Variants in MGAT4C observed in about 807,000 individuals in gnomAD.
MGAT4C encodes the protein MGAT4 family member C, also known as alpha-1,3-mannosyl-glycoprotein 4-beta-N-acetylglucosaminyltransferase C.
A neutral mutation model predicts 40.1 loss-of-function variants in MGAT4C; 19 were observed. The observed-to-expected ratio is 0.47, with a 90% CI of 0.33 to 0.70. The LOEUF (loss-of-function observed/expected upper bound fraction) is 0.70. MGAT4C is among the 30% of genes least tolerant of loss of function. The pLI is 0.02. For missense variants in MGAT4C, 491 were observed against 563.2 expected, an observed-to-expected ratio of 0.87 and a Z score of 1.30; for synonymous variants, 181 against 187.1, an observed-to-expected ratio of 0.97 and a Z score of 0.27.
chr12:86,306,811 A>G (rs1161065076), intron 4 of MGAT4C, among the ~76,000 whole-genome samples: 2 of 147,818 alleles, frequency 1.4e-5, no homozygotes, highest in Non-Finnish European at 3.0e-5. Flanking sequence ...GTAGAAAATA[A>G]TAAGATGATT....
intron 2 of MGAT4C, among the ~76,000 whole-genome samples, chr12:86,033,544 A>G (rs1002406965): frequency 6.7e-6 from 1 of 148,700 alleles, no homozygotes; most frequent in Non-Finnish European, 1.5e-5. Flanking sequence ...TGCATTCGTG[A>G]TTTGGCTCTC....
intron 1 of MGAT4C, among the ~76,000 whole-genome samples, chr12:86,238,663 A>G (rs1236016390): frequency 2.0e-5 from 3 of 152,174 alleles, no homozygotes; most frequent in Non-Finnish European, 4.4e-5. Flanking sequence ...ATAATAAAAT[A>G]TAGAATTATT....
chr12:86,522,202 C>T (rs1043293737), intron 2 of MGAT4C, among the ~76,000 whole-genome samples: 1 of 152,146 alleles, frequency 6.6e-6, no homozygotes, highest in Non-Finnish European at 1.5e-5. Context: ...GGAATGCTTT[C>T]AGCTCTTGTC....
intron 2 of MGAT4C, among the ~76,000 whole-genome samples, chr12:86,628,918 A>T (rs1046300407): frequency 6.6e-6 from 1 of 152,142 alleles, no homozygotes; most frequent in African/African-American, 2.4e-5. Flanking sequence ...ATGTAAATGG[A>T]CTAAATTCCC....
chr12:86,636,342 C>T (rs1047144143), intron 2 of MGAT4C, among the ~76,000 whole-genome samples: 5 of 151,858 alleles, frequency 3.3e-5, no homozygotes, highest in Non-Finnish European at 7.4e-5. Context: ...TGATTATATC[C>T]CCAGTAAGTT....
At chr12:86,823,827 C>A (rs950154526) in intron 1 of MGAT4C, among the ~76,000 whole-genome samples, 2 of 150,984 alleles carry the variant, frequency 1.3e-5, no homozygotes, top group African/African-American at 4.9e-5. Flanking sequence ...AGAAGTGAAA[C>A]ATAGATAAGG....
At position 86,747,189 on chromosome 12, in the gene MGAT4C, T is replaced by C. The variant is rs145844110; in HGVS notation, c.-261-19948A>G. On this transcript the variant is annotated intron_variant, in intron 1 of 7. Coordinates refer to the MGAT4C transcript ENST00000548651. ...AGTGAGGATTAAATGAGTTAATGTA[T>C]GTAAAATCTCTTTAAACACTGATTT... is the stretch of plus-strand genomic sequence containing the variant. 9.3e-4 allele frequency among the ~76,000 whole-genome samples: 141 copies of C among 151,824 alleles called. 2 individuals carry two copies. Among genetic ancestry groups the C allele is most frequent in the African/African-American group, 3.0e-3 (126 of 41,512 alleles).
At chr12:86,269,744 T>A (rs1039515220) in intron 4 of MGAT4C, among the ~76,000 whole-genome samples, 3 of 152,112 alleles carry the variant, frequency 2.0e-5, no homozygotes, top group Non-Finnish European at 2.9e-5. Context: ...GAAGATATTA[T>A]GAGATTTAGA....
At chr12:86,333,696 T>C (rs929310196) in intron 4 of MGAT4C, among the ~76,000 whole-genome samples, 1 of 152,198 alleles carries the variant, frequency 6.6e-6, no homozygotes, top group Non-Finnish European at 1.5e-5. Flanking sequence ...GGCATATTAG[T>C]CACAGAGATT....
At chr12:86,642,773 T>A (rs567597025) in intron 2 of MGAT4C, among the ~76,000 whole-genome samples, 1 of 151,658 alleles carries the variant, frequency 6.6e-6, no homozygotes, top group African/African-American at 2.4e-5. Context: ...TTTTTATGTT[T>A]TTCATAAAAC....
intron 4 of MGAT4C, among the ~76,000 whole-genome samples, chr12:86,289,646 T>C (rs1953453169): frequency 6.6e-6 from 1 of 152,226 alleles, no homozygotes; most frequent in Non-Finnish European, 1.5e-5. Context: ...TATTCCTAGG[T>C]ATTTTATTCC....
intron 3 of MGAT4C, among the ~76,000 whole-genome samples, chr12:86,434,182 C>T (rs560282553): frequency 6.6e-6 from 1 of 152,032 alleles, no homozygotes; most frequent in South Asian, 2.1e-4. Context: ...CTGAATCATA[C>T]AAGTTTATTT....
chr12:86,179,258 G>T (rs746432943), intron 1 of MGAT4C, among the ~76,000 whole-genome samples: 11 of 152,136 alleles, frequency 7.2e-5, no homozygotes, highest in Non-Finnish European at 1.5e-4. Flanking sequence ...GCCTCCCACT[G>T]TGATTCTGAG....
chr12:86,451,054 A>C (rs1156252990), intron 2 of MGAT4C, among the ~76,000 whole-genome samples: 1 of 152,110 alleles, frequency 6.6e-6, no homozygotes, highest in African/African-American at 2.4e-5. Flanking sequence ...TGTATGTCTC[A>C]CACAAATCTC....
chr12:86,427,661 T>C (rs1956955359), intron 3 of MGAT4C, among the ~76,000 whole-genome samples: 1 of 152,194 alleles, frequency 6.6e-6, no homozygotes, highest in Non-Finnish European at 1.5e-5. Flanking sequence ...AAATGAAGTA[T>C]ATAATTGCCA....
intron 1 of MGAT4C, among the ~76,000 whole-genome samples, chr12:86,146,555 ATCTC>A (rs1462312587): frequency 6.6e-6 from 1 of 152,006 alleles, no homozygotes; most frequent in African/African-American, 2.4e-5. Context: ...TTCTATTTAA[ATCTC>A]TCTAAGAACT....
intron 3 of MGAT4C, among the ~76,000 whole-genome samples, chr12:86,385,482 T>G (rs1956033051): frequency 6.6e-6 from 1 of 152,056 alleles, no homozygotes; most frequent in Non-Finnish European, 1.5e-5. Context: ...GAAAAGAAAA[T>G]ATTAGCCTGA....
At chr12:86,032,258 T>A (rs1890827233) in intron 2 of MGAT4C, among the ~76,000 whole-genome samples, 1 of 152,040 alleles carries the variant, frequency 6.6e-6, no homozygotes, top group Admixed American at 6.6e-5. Flanking sequence ...TGATTTATTT[T>A]CCTTTGAGTA....
chr12:86,387,392 A>C (rs910830626), intron 3 of MGAT4C, among the ~76,000 whole-genome samples: 2 of 152,100 alleles, frequency 1.3e-5, no homozygotes, highest in African/African-American at 4.8e-5. Flanking sequence ...TGTATTTCAC[A>C]GATGTGTAAT....
Sources: gnomAD v4.1 joint callset for allele counts (sites outside exome capture counted in the v4.1 genomes callset) on GRCh38, gnomAD v4.1.1 for gene constraint, MANE v1.5 for transcripts, NCBI Gene and HGNC (gene_info 2026-07-23, HGNC 2026-07-21) for gene names.